The following DOCK3 variants were observed in gnomAD, a reference collection of about 807,000 sequenced individuals.
DOCK3 encodes dedicator of cytokinesis protein 3.
A neutral mutation model predicts 265.6 loss-of-function variants in DOCK3; 60 were observed. That is an observed-to-expected ratio of 0.23 (90% CI 0.18 to 0.28). DOCK3 has a LOEUF of 0.28. Among genes scored for constraint, DOCK3 ranks in the 10% least tolerant of loss-of-function variants. The pLI is 1.00. For missense variants in DOCK3, 1,981 were observed against 2,594.3 expected (o/e 0.76, Z 5.14); for synonymous variants, 881 against 938.0 (o/e 0.94, Z 1.11).
intron 38 of DOCK3, among the ~76,000 whole-genome samples, chr3:51,344,492 T>C (rs1011308857): frequency 1.4e-4 from 22 of 152,194 alleles, no homozygotes; most frequent in Non-Finnish European, 4.4e-5. Flanking sequence ...TGGTGGCGCA[T>C]GCCTGTAGTC....
intron 10 of DOCK3, among the ~76,000 whole-genome samples, chr3:51,150,921 A>T (rs59834534): frequency 0.071 from 10,789 of 152,136 alleles, 963 homozygotes; most frequent in East Asian, 0.32. Flanking sequence ...TGATCTGTCT[A>T]ATGTTGACAG....
intron 12 of DOCK3, among the ~76,000 whole-genome samples, chr3:51,174,231 G>A (rs981328337): frequency 1.6e-4 from 25 of 152,054 alleles, no homozygotes; most frequent in Non-Finnish European, 3.2e-4. Context: ...GAGGTTAGGC[G>A]GATCACATGA....
At chr3:51,125,567 C>T (rs945084750) in intron 9 of DOCK3, among the ~76,000 whole-genome samples, 1 of 152,020 alleles carries the variant, frequency 6.6e-6, no homozygotes, top group Non-Finnish European at 1.5e-5. Context: ...AAGACTTTGC[C>T]TCATTGAGGC....
chr3:50,860,972 AG>A (rs2046880435), intron 3 of DOCK3, among the ~76,000 whole-genome samples: 1 of 152,214 alleles, frequency 6.6e-6, no homozygotes, highest in Admixed American at 6.5e-5. Flanking sequence ...CTAGGGCTCC[AG>A]GGTCTCCATG....
At chr3:50,906,877 T>C (rs2049539898) in intron 4 of DOCK3, among the ~76,000 whole-genome samples, 1 of 152,166 alleles carries the variant, frequency 6.6e-6, no homozygotes, top group Admixed American at 6.5e-5. Flanking sequence ...TTTCCTGTTT[T>C]CTTTTGTGGG....
At chr3:50,970,948 ATGT>A (rs2077210350) in intron 5 of DOCK3, among the ~76,000 whole-genome samples, 1 of 51,758 alleles carries the variant, frequency 1.9e-5, no homozygotes, top group African/African-American at 8.7e-5. Flanking sequence ...TATATATATA[ATGT>A]GTGTGTGTGT....
At chr3:50,960,253 T>G (rs1321161286) in intron 5 of DOCK3, among the ~76,000 whole-genome samples, 1 of 152,218 alleles carries the variant, frequency 6.6e-6, no homozygotes, top group Non-Finnish European at 1.5e-5. Flanking sequence ...AAATCTATTT[T>G]TAACTTTTAA....
chr3:51,364,408 A>C (rs1490296641), intron 49 of DOCK3, among the ~76,000 whole-genome samples: 1 of 152,138 alleles, frequency 6.6e-6, no homozygotes, highest in Non-Finnish European at 1.5e-5. Context: ...AGATGGGTAG[A>C]TTGTAAAAAT....
At chr3:50,996,341 C>A (rs2078283631) in intron 5 of DOCK3, among the ~76,000 whole-genome samples, 1 of 151,850 alleles carries the variant, frequency 6.6e-6, no homozygotes, top group Non-Finnish European at 1.5e-5. Flanking sequence ...CCTCAGCCTC[C>A]CAAGTAGCTG....
chr3:51,271,061 T>G, intron 24 of DOCK3, 54 bp downstream of exon 24: 8 of 1,533,222 alleles, frequency 5.2e-6, no homozygotes, highest in Non-Finnish European at 7.1e-6. Context: ...TCCTCCTTCC[T>G]TCCAGGGGTG....
chr3:50,701,732 G>T (rs1325512149), intron 1 of DOCK3, among the ~76,000 whole-genome samples: 1 of 152,132 alleles, frequency 6.6e-6, no homozygotes, highest in Non-Finnish European at 1.5e-5. Flanking sequence ...ATTTTGAGTT[G>T]ATTTTTGCGT....
chr3:50,719,319 A>T (rs886608711), intron 1 of DOCK3, among the ~76,000 whole-genome samples: 73 of 150,852 alleles, frequency 4.8e-4, no homozygotes, highest in African/African-American at 1.6e-3. Context: ...TAACTCTGCA[A>T]TCCAACTAGG....
chr3:50,878,425 A>C (rs2047831502), intron 3 of DOCK3, among the ~76,000 whole-genome samples: 1 of 152,238 alleles, frequency 6.6e-6, no homozygotes, highest in Non-Finnish European at 1.5e-5. Context: ...CAGTGTAGAG[A>C]AGACCTTAAA....
At chr3:51,136,264 G>A (rs1237432808) in intron 9 of DOCK3, among the ~76,000 whole-genome samples, 9 of 149,296 alleles carry the variant, frequency 6.0e-5, no homozygotes, top group African/African-American at 1.7e-4. Flanking sequence ...AGTCTCGCTC[G>A]TCACCCAGGC....
At position 51,374,720 on chromosome 3, in the gene DOCK3, G is replaced by A. The variant is rs981740830; in HGVS notation, c.5412+133G>A. 7 of 861,676 alleles carry A rather than the reference G, an allele frequency of 8.1e-6. No homozygotes were observed. Among genetic ancestry groups the A allele is most frequent in the African/African-American group, 3.4e-5 (2 of 59,682 alleles). The allele number at this position is 861,676 out of a possible 1,614,324, so 53.4% of individuals were successfully genotyped here. On this transcript the variant is annotated intron_variant, in intron 50 of 52. Transcript: ENST00000266037. The surrounding 1 kb of genome is among the most constrained non-coding windows in gnomAD (Gnocchi z 4.8). ...CCGCTGTAAGATCCCGCAAAAGGCC[G>A]CTGGGCTTCTGGATGTGGAGTGCAG...
intron 3 of DOCK3, among the ~76,000 whole-genome samples, chr3:50,869,131 C>G (rs564096279): frequency 6.7e-6 from 1 of 149,534 alleles, no homozygotes; most frequent in African/African-American, 2.5e-5. Context: ...CCTGCCACCA[C>G]GCCTGGCTAA....
intron 5 of DOCK3, among the ~76,000 whole-genome samples, chr3:50,977,715 C>G (rs1373861896): frequency 6.6e-6 from 1 of 152,100 alleles, no homozygotes. Flanking sequence ...GGGAAGTTCT[C>G]CTGGAAAATA....
intron 5 of DOCK3, among the ~76,000 whole-genome samples, chr3:51,039,026 C>T (rs1300193042): frequency 2.0e-5 from 3 of 151,894 alleles, no homozygotes; most frequent in African/African-American, 4.8e-5. Flanking sequence ...GATGGAGTCT[C>T]GCTCTGTTTC....
At chr3:50,928,308 TC>T (rs2050878285) in intron 4 of DOCK3, among the ~76,000 whole-genome samples, 1 of 152,034 alleles carries the variant, frequency 6.6e-6, no homozygotes, top group South Asian at 2.1e-4. Flanking sequence ...CTCCCCATTC[TC>T]CCTCTACCCA....
Sources: allele counts gnomAD v4.1 joint callset (sites outside exome capture counted in the v4.1 genomes callset), GRCh38; gene constraint gnomAD v4.1.1; non-coding constraint Gnocchi (gnomAD v3.1); transcripts MANE v1.5; gene names NCBI Gene and HGNC (gene_info 2026-07-23, HGNC 2026-07-21).